The following PLXDC2 variants were observed in gnomAD, a reference collection of about 807,000 sequenced individuals.
The protein encoded by PLXDC2 is plexin domain-containing protein 2.
A neutral mutation model predicts 68.9 loss-of-function variants in PLXDC2; 40 were observed. The ratio of observed to expected loss-of-function variants is 0.58; its 90% CI spans 0.45 to 0.76. The LOEUF is 0.76. Ranked by LOEUF, PLXDC2 falls within the 30% of genes least tolerant of loss-of-function variation. The pLI is 0.00. For synonymous variants in PLXDC2, 243 were observed against 234.2 expected, an observed-to-expected ratio of 1.04 and a Z score of -0.34; for missense variants, 644 against 661.9, an observed-to-expected ratio of 0.97 and a Z score of 0.30.
chr10:20,051,769 A>T (rs1473176460), intron 3 of PLXDC2, among the ~76,000 whole-genome samples: 1 of 151,900 alleles, frequency 6.6e-6, no homozygotes, highest in Non-Finnish European at 1.5e-5. Flanking sequence ...TTCCAAGGTG[A>T]TGCTCATGCC....
chr10:19,976,662 T>C (rs1460895541), intron 1 of PLXDC2, among the ~76,000 whole-genome samples: 1 of 152,180 alleles, frequency 6.6e-6, no homozygotes, highest in African/African-American at 2.4e-5. Flanking sequence ...CCCAATGTGT[T>C]CTATCAGTCT....
chr10:20,044,651 C>T (rs1206687602), intron 2 of PLXDC2, among the ~76,000 whole-genome samples: 1 of 152,080 alleles, frequency 6.6e-6, no homozygotes, highest in Non-Finnish European at 1.5e-5. Context: ...CATCTTCAGA[C>T]AGAATTTCCC....
intron 4 of PLXDC2, chr10:20,091,768 T>G (rs897697853): frequency 2.6e-5 from 4 of 152,302 alleles, no homozygotes; most frequent in Admixed American, 2.6e-4. Context: ...GGCCTCAGCT[T>G]GATGCACTTC....
At chr10:20,026,443 G>T (rs1039408252) in intron 2 of PLXDC2, among the ~76,000 whole-genome samples, 1 of 152,086 alleles carries the variant, frequency 6.6e-6, no homozygotes, top group Non-Finnish European at 1.5e-5. Flanking sequence ...ATTTAATCAT[G>T]TGATTTATCT....
At chr10:20,215,067 G>T (rs1446106049) in intron 10 of PLXDC2, among the ~76,000 whole-genome samples, 1 of 152,120 alleles carries the variant, frequency 6.6e-6, no homozygotes, top group Admixed American at 6.6e-5. Flanking sequence ...ATAATGCATA[G>T]AATGAAGTGA....
chr10:20,158,501 C>CAAA (rs59079629), intron 6 of PLXDC2, among the ~76,000 whole-genome samples: 12 of 118,776 alleles, frequency 1.0e-4, no homozygotes, highest in Admixed American at 1.8e-4. Context: ...TCTGTCTCTG[C>CAAA]AAAAAAAAAA....
intron 6 of PLXDC2, among the ~76,000 whole-genome samples, chr10:20,160,460 G>T (rs889608089): frequency 1.3e-5 from 2 of 151,938 alleles, no homozygotes; most frequent in Non-Finnish European, 2.9e-5. Flanking sequence ...TTGTATCGTT[G>T]TTAACAATTT....
At chr10:20,199,744 A>G (rs1032685462) in intron 9 of PLXDC2, among the ~76,000 whole-genome samples, 1 of 151,900 alleles carries the variant, frequency 6.6e-6, no homozygotes, top group Non-Finnish European at 1.5e-5. Context: ...TATTATTTGG[A>G]ACGTTAGAAT....
chr10:20,052,434 AG>A (rs144890531), intron 3 of PLXDC2, among the ~76,000 whole-genome samples: 2,508 of 152,160 alleles, frequency 0.016, 68 homozygotes, highest in African/African-American at 0.057. Context: ...TATTGTGACC[AG>A]GGGGCTGAGT....
intron 1 of PLXDC2, among the ~76,000 whole-genome samples, chr10:19,878,583 A>G (rs1837675392): frequency 6.6e-6 from 1 of 152,184 alleles, no homozygotes; most frequent in African/African-American, 2.4e-5. Context: ...AAACTCCTTT[A>G]ATGTATAATG....
intron 9 of PLXDC2, among the ~76,000 whole-genome samples, chr10:20,192,030 A>G (rs1171865365): frequency 3.9e-5 from 6 of 152,048 alleles, no homozygotes; most frequent in Non-Finnish European, 5.9e-5. Flanking sequence ...TTACAATTGC[A>G]TGAAGAGTTA....
chr10:19,920,219 C>T lies in PLXDC2; in HGVS notation c.113-81556C>T, dbSNP rs143477495. ...CATGGTCCCTTTAAATGATACATAA[C>T]GGGTGGTGGGGTAGGGGGAAAGGAA... On this transcript the variant is annotated intron_variant, in intron 1 of 13. Coordinates refer to ENST00000377252, the MANE Select transcript of PLXDC2 (RefSeq NM_032812.9). Among the ~76,000 whole-genome samples the T allele has an allele frequency of 2.0e-4, 30 of 152,250 alleles. No homozygotes were observed. The East Asian group carries it at 5.6e-3, about 28-fold the overall frequency.
intron 4 of PLXDC2, among the ~76,000 whole-genome samples, chr10:20,079,209 T>A (rs1486701189): frequency 6.6e-6 from 1 of 152,164 alleles, no homozygotes; most frequent in Non-Finnish European, 1.5e-5. Flanking sequence ...TGAACAGATA[T>A]TTCTCAAAAG....
chr10:20,269,258 G>A (rs935723992), intron 13 of PLXDC2, among the ~76,000 whole-genome samples: 1 of 152,202 alleles, frequency 6.6e-6, no homozygotes. Context: ...CATCCTATGT[G>A]TAATTATATT....
At chr10:20,260,125 CA>C (rs146249987) in intron 13 of PLXDC2, among the ~76,000 whole-genome samples, 2,223 of 152,070 alleles carry the variant, frequency 0.015, 48 homozygotes, top group African/African-American at 0.049. Flanking sequence ...CATATATATC[CA>C]TAGTGAAGTG....
chr10:19,928,161 A>G (rs1346089762), intron 1 of PLXDC2, among the ~76,000 whole-genome samples: 1 of 152,220 alleles, frequency 6.6e-6, no homozygotes, highest in Non-Finnish European at 1.5e-5. Context: ...TCCATAGTGT[A>G]TATATATGAC....
intron 4 of PLXDC2, among the ~76,000 whole-genome samples, chr10:20,093,588 T>C (rs559231882): frequency 6.6e-6 from 1 of 152,304 alleles, no homozygotes; most frequent in South Asian, 2.1e-4. Flanking sequence ...ACAATATTTT[T>C]TTTTCCAGAA....
chr10:20,055,336 G>A (rs1269665664), intron 3 of PLXDC2, among the ~76,000 whole-genome samples: 1 of 152,070 alleles, frequency 6.6e-6, no homozygotes, highest in African/African-American at 2.4e-5. Context: ...TTTGCATAAT[G>A]TTTATGTTGG....
At chr10:20,268,044 A>G (rs1479571074) in intron 13 of PLXDC2, among the ~76,000 whole-genome samples, 2 of 152,174 alleles carry the variant, frequency 1.3e-5, no homozygotes, top group African/African-American at 4.8e-5. Flanking sequence ...GTAAGGAATG[A>G]TTAAACACTG....
Sources: allele counts gnomAD v4.1 joint callset (sites outside exome capture counted in the v4.1 genomes callset), GRCh38; gene constraint gnomAD v4.1.1; transcripts MANE v1.5; gene names NCBI Gene and HGNC (gene_info 2026-07-23, HGNC 2026-07-21).